The following TBC1D24 variants were observed in gnomAD, a reference collection of about 807,000 sequenced individuals.
TBC1D24 encodes TBC1 domain family member 24.
TBC1D24 carries 47 observed loss-of-function variants against 50.7 expected under a neutral mutation model. The ratio of observed to expected loss-of-function variants is 0.93; its 90% confidence interval spans 0.73 to 1.18. The LOEUF is 1.18. Among genes scored for constraint, TBC1D24 ranks in the 50% most tolerant of loss-of-function variants. The pLI is 0.00. For synonymous variants in TBC1D24, 324 were observed against 335.2 expected (o/e 0.97, Z 0.36); for missense variants, 688 against 766.5 (o/e 0.90, Z 1.21).
chr16:2,496,073 A>G lies in TBC1D24; in HGVS notation c.-76A>G. ...GACAGGTTTGCAGGAAACCCTCAGAAAGGGGGCTGGAGGATTTAGCCACTC... is the reference window on the plus strand; with the variant it reads ...GACAGGTTTGCAGGAAACCCTCAGAGAGGGGGCTGGAGGATTTAGCCACTC... On this transcript the variant is annotated 5_prime_UTR_variant, in exon 2 of 8. Coordinates refer to ENST00000646147, the MANE Select transcript of TBC1D24 (RefSeq NM_001199107.2). 2 of 1,588,006 alleles carry G rather than the reference A, an allele frequency of 1.3e-6. No individual in the cohort carries two copies. Among genetic ancestry groups the G allele is most frequent in the South Asian group, 1.1e-5 (1 of 88,890 alleles).
At position 2,500,119 on chromosome 16, in the gene TBC1D24, C is replaced by T; in HGVS notation, c.1303-149C>T. 2.1e-6 allele frequency: 2 copies of T among 947,886 alleles called. No homozygotes were observed. The highest frequency in any genetic ancestry group is 2.8e-5 in the South Asian group (2 of 70,608). 58.7% of individuals were successfully genotyped at this position (947,886 alleles called of 1,614,324 possible). On this transcript the variant is annotated intron_variant, in intron 6 of 7. Coordinates refer to ENST00000646147, the MANE Select transcript of TBC1D24 (RefSeq NM_001199107.2). The surrounding 1 kb of genome is among the most constrained non-coding windows in gnomAD (Gnocchi z 8.0). Reference sequence around the variant, plus strand: ...GCTCCGGGGCAGGGGGCTTCATCTGCTCGAGCCACCAGCTCCCCAGCCCCT... The same window carrying T: ...GCTCCGGGGCAGGGGGCTTCATCTGTTCGAGCCACCAGCTCCCCAGCCCCT...
At chr16:2,478,169 A>T (rs1246134104) in intron 1 of TBC1D24, 1 of 152,410 alleles carries the variant, frequency 6.6e-6, no homozygotes, top group African/African-American at 2.4e-5. Flanking sequence ...AGCAAGACTC[A>T]GCCAGGCCCG....
intron 1 of TBC1D24, among the ~76,000 whole-genome samples, chr16:2,495,798 G>A (rs1253835168): frequency 6.6e-6 from 1 of 151,972 alleles, no homozygotes; most frequent in Non-Finnish European, 1.5e-5. Context: ...AATTAACTGG[G>A]CATGGTGGTG....
Position 2,500,398 on chromosome 16 carries a change from G to A in TBC1D24, c.1433G>A (p.Arg478His), listed in dbSNP as rs1596972871. Residue 478 changes from arginine (R) to histidine (H), a missense_variant, in exon 7 of 8, where the codon CGC becomes CAC. Arg to His is a conservative substitution (Grantham distance 29, BLOSUM62 0). Coordinates refer to ENST00000646147, the MANE Select transcript of TBC1D24 (RefSeq NM_001199107.2). The surrounding 1 kb of genome is among the most constrained non-coding windows in gnomAD (Gnocchi z 8.0). The stretch of plus-strand genomic sequence containing the variant: ...TCCGCCTCCTCAGACCCCGCTGACC[G>A]CCTCTCGCCCTTCCTGGCCGCTCGC... Reference protein sequence around the residue: ...SHSASSDPADRLSPFLAARHF... With the variant: ...SHSASSDPADHLSPFLAARHF... 9 of 1,603,712 alleles carry A rather than the reference G, an allele frequency of 5.6e-6. No individual in the cohort carries two copies. Among genetic ancestry groups the A allele is most frequent in the East Asian group, 2.3e-5 (1 of 44,392 alleles).
chr16:2,480,507 A>G (rs906580728), intron 1 of TBC1D24: 2 of 151,978 alleles, frequency 1.3e-5, no homozygotes, highest in Non-Finnish European at 2.9e-5. Context: ...ATTTCCCACA[A>G]TCCGAGACTG....
Position 2,497,740 on chromosome 16 carries a change from C to G in TBC1D24, c.983+13C>G. The G allele has an allele frequency of 1.3e-6, 2 of 1,536,010 alleles. No individual in the cohort carries two copies. The highest frequency in any genetic ancestry group is 1.7e-6 in the Non-Finnish European group (2 of 1,146,760). ...CACTTTCTAAAAGGTAGGTCTGAAA[C>G]TGTATCTGCACACCTGGCCTCTGTC... On this transcript the variant is annotated intron_variant, in intron 3 of 7. Coordinates refer to ENST00000646147, the MANE Select transcript of TBC1D24 (RefSeq NM_001199107.2).
At chr16:2,494,152 G>A (rs143501031) in intron 1 of TBC1D24, among the ~76,000 whole-genome samples, 2 of 152,316 alleles carry the variant, frequency 1.3e-5, no homozygotes, top group East Asian at 3.9e-4. Flanking sequence ...GGTGGCTCAC[G>A]CCTGTAATCC....
At chr16:2,489,808 G>T (rs2065681439) in intron 1 of TBC1D24, among the ~76,000 whole-genome samples, 2 of 152,244 alleles carry the variant, frequency 1.3e-5, no homozygotes, top group African/African-American at 4.8e-5. Flanking sequence ...TCAGGCAGCT[G>T]AGCGGTCCTG....
intron 1 of TBC1D24, chr16:2,479,897 A>G (rs1216168907): frequency 6.8e-6 from 1 of 148,032 alleles, no homozygotes; most frequent in South Asian, 2.2e-4. Context: ...CAGTGGTGCA[A>G]TCTTGGCTCA....
rs993885619 is a variant in TBC1D24, at chr16:2,502,987, T to C, written c.*2029T>C. 3 of 152,330 alleles carry C rather than the reference T, an allele frequency of 2.0e-5. No individual in the cohort carries two copies. Among genetic ancestry groups the C allele is most frequent in the African/African-American group, 7.2e-5 (3 of 41,452 alleles). 9.4% of individuals were successfully genotyped at this position (152,330 alleles called of 1,614,324 possible). ...GCTCACCCACATTCTATGACTGGAA[T>C]GCTGCAAGCCTCTTCCAGAGGGAGC... On this transcript the variant is annotated 3_prime_UTR_variant, in exon 8 of 8. Coordinates refer to ENST00000646147, the MANE Select transcript of TBC1D24 (RefSeq NM_001199107.2).
At position 2,505,028 on chromosome 16, in the gene TBC1D24, T is replaced by C. The variant is rs2141883211; in HGVS notation, c.*4070T>C. 1 of 152,344 alleles carries C rather than the reference T, an allele frequency of 6.6e-6. No homozygotes were observed. The highest frequency in any genetic ancestry group is 2.1e-4 in the South Asian group (1 of 4,826). The allele number at this position is 152,344 out of a possible 1,614,324, so 9.4% of individuals were successfully genotyped here. A position where few individuals can be genotyped will look rare whatever the true frequency, so the allele number is the denominator to read the frequency against. On this transcript the variant is annotated 3_prime_UTR_variant, in exon 8 of 8. Coordinates refer to ENST00000646147, the MANE Select transcript of TBC1D24 (RefSeq NM_001199107.2). ...CTGGGATTACAGGCGTGAGCTGCTG[T>C]GCCCAGCTCATCCAGATTCTTGCTG...
Position 2,485,584 on chromosome 16 carries a change from C to T in TBC1D24, c.-116+10414C>T, listed in dbSNP as rs1196053258. The T allele has an allele frequency of 1.3e-5, 2 of 152,200 alleles. No homozygotes were observed. The highest frequency in any genetic ancestry group is 4.8e-5 in the African/African-American group (2 of 41,430). The allele number at this position is 152,200 out of a possible 1,614,324, so 9.4% of individuals were successfully genotyped here. A position where few individuals can be genotyped will look rare whatever the true frequency, so the allele number is the denominator to read the frequency against. Reference sequence around the variant, plus strand: ...ACCCAAAGCAGGGGTTGTGGGAACCCCAACTTGAAGTTGGTTGCTGAGAAG... The same window carrying T: ...ACCCAAAGCAGGGGTTGTGGGAACCTCAACTTGAAGTTGGTTGCTGAGAAG... On this transcript the variant is annotated intron_variant, in intron 1 of 7. Transcript: ENST00000646147. The surrounding 1 kb of genome is among the most constrained non-coding windows in gnomAD (Gnocchi z 4.6).
chr16:2,499,711 G>C lies in TBC1D24; in HGVS notation c.1207-124G>C. 1 of 882,596 alleles carries C rather than the reference G, an allele frequency of 1.1e-6. No homozygotes were observed. The highest frequency in any genetic ancestry group is 1.9e-6 in the Non-Finnish European group (1 of 517,526). 54.7% of individuals were successfully genotyped at this position (882,596 alleles called of 1,614,324 possible). A position where few individuals can be genotyped will look rare whatever the true frequency, so the allele number is the denominator to read the frequency against. ...TCCCACACCACTCCTGCCCTGGGGTGGGGGTGGGAGACGGCAATGCCTGCA... is the reference window on the plus strand; with the variant it reads ...TCCCACACCACTCCTGCCCTGGGGTCGGGGTGGGAGACGGCAATGCCTGCA... On this transcript the variant is annotated intron_variant, in intron 5 of 7. Transcript: ENST00000646147. This position sits in a 1 kb window ranked among gnomAD's most constrained non-coding sequence, Gnocchi z 4.0.
rs529930478 is a variant in TBC1D24, at chr16:2,486,801, CTGTT to C, written c.-115-9229_-115-9226del. Among the ~76,000 whole-genome samples the C allele has an allele frequency of 1.1e-4, 16 of 152,346 alleles. No individual in the cohort carries two copies. The East Asian group carries it at 3.1e-3, about 29-fold the overall frequency. On this transcript the variant is annotated intron_variant, in intron 1 of 7. Coordinates refer to ENST00000646147, the MANE Select transcript of TBC1D24 (RefSeq NM_001199107.2). The surrounding 1 kb of genome is among the most constrained non-coding windows in gnomAD (Gnocchi z 5.8). The stretch of plus-strand genomic sequence containing the variant: ...TGGAGCTTCCCTGGGCTGGAATTCT[CTGTT>C]TGTCGCTCGCCCCCGCCTCCAGCAT...
In TBC1D24 at chr16:2,499,944, A is replaced by C. The variant is rs528462687; in HGVS notation, c.1302+14A>C. ...TTTGTGTTTAGGGTGAGTGGGGCCA[A>C]GTGTCCCCAAACCCCCACGCAGACC... On this transcript the variant is annotated intron_variant, in intron 6 of 7. Coordinates refer to ENST00000646147, the MANE Select transcript of TBC1D24 (RefSeq NM_001199107.2). This position sits in a 1 kb window ranked among gnomAD's most constrained non-coding sequence, Gnocchi z 4.0. The C allele has an allele frequency of 8.4e-5, 136 of 1,610,422 alleles. No individual in the cohort carries two copies. The highest frequency in any genetic ancestry group is 3.3e-4 in the Middle Eastern group (2 of 6,058).
Position 2,485,826 on chromosome 16 carries a change from A to G in TBC1D24, c.-115-10208A>G, listed in dbSNP as rs1243910270. ...TGCGGTGCTGGCGTCAGAGCAGAGG[A>G]AAACGTGGTATGAGAGTTTTTCCAA... On this transcript the variant is annotated intron_variant, in intron 1 of 7. Coordinates refer to ENST00000646147, the MANE Select transcript of TBC1D24 (RefSeq NM_001199107.2). The surrounding 1 kb of genome is among the most constrained non-coding windows in gnomAD (Gnocchi z 4.6). 1.3e-5 allele frequency among the ~76,000 whole-genome samples: 2 copies of G among 152,170 alleles called. No homozygotes were observed. Among genetic ancestry groups the G allele is most frequent in the African/African-American group, 2.4e-5 (1 of 41,430 alleles).
At chr16:2,484,250 G>T (rs2065632241) in intron 1 of TBC1D24, 1 of 152,174 alleles carries the variant, frequency 6.6e-6, no homozygotes, top group African/African-American at 2.4e-5. Flanking sequence ...TGGAATAAAA[G>T]CTTGATCTCA....
At chr16:2,476,147 AGGTG>A (rs2065566393) in intron 1 of TBC1D24, among the ~76,000 whole-genome samples, 1 of 152,252 alleles carries the variant, frequency 6.6e-6, no homozygotes, top group East Asian at 1.9e-4. Flanking sequence ...TGGAGTCACC[AGGTG>A]ACTTCCAGGC....
rs1198622733 is a variant in TBC1D24 at position 2,500,763 on chromosome 16, G to A, written c.1526-41G>A. On this transcript the variant is annotated intron_variant, in intron 7 of 7. Coordinates refer to ENST00000646147, the MANE Select transcript of TBC1D24 (RefSeq NM_001199107.2). The surrounding 1 kb of genome is among the most constrained non-coding windows in gnomAD (Gnocchi z 8.0). The stretch of plus-strand genomic sequence containing the variant: ...CAGGTGAGGTGCCTGGGTCAGTGCT[G>A]ATAGGGCAGTCAGGCCGCCACTGAC... 6.3e-7 allele frequency: 1 copy of A among 1,578,714 alleles called. No individual in the cohort carries two copies. The highest frequency in any genetic ancestry group is 1.3e-5 in the African/African-American group (1 of 74,524).
Sources: gnomAD v4.1 joint callset for allele counts (sites outside exome capture counted in the v4.1 genomes callset) on GRCh38, gnomAD v4.1.1 for gene constraint, Gnocchi (gnomAD v3.1) non-coding constraint, MANE v1.5 for transcripts, NCBI Gene and HGNC (gene_info 2026-07-23, HGNC 2026-07-21) for gene names.